The following CACNG2 variants were observed in gnomAD, a reference collection of about 807,000 sequenced individuals.
The protein encoded by CACNG2 is calcium voltage-gated channel auxiliary subunit gamma 2, also known as voltage-dependent calcium channel gamma-2 subunit.
In CACNG2, 3 loss-of-function variants were observed where a neutral mutation model predicts 25.9. That is an observed-to-expected ratio of 0.12 (90% CI 0.05 to 0.30). The LOEUF is 0.30. Among genes scored for constraint, CACNG2 ranks in the 10% least tolerant of loss-of-function variants. The pLI is 1.00. For missense variants in CACNG2, 341 were observed against 432.5 expected (o/e 0.79, Z 1.88); for synonymous variants, 167 against 173.3 (o/e 0.96, Z 0.29).
chr22:36,569,101 C>A (rs1935180839), intron 2 of CACNG2, among the ~76,000 whole-genome samples: 1 of 152,174 alleles, frequency 6.6e-6, no homozygotes, highest in Admixed American at 6.5e-5. Context: ...TAACTCTCAT[C>A]TTTATAAGCA....
At chr22:36,657,744 C>T (rs1189543292) in intron 1 of CACNG2, among the ~76,000 whole-genome samples, 1 of 151,748 alleles carries the variant, frequency 6.6e-6, no homozygotes. Flanking sequence ...GCGTAATGAG[C>T]AAAAGTGTCG....
At chr22:36,672,134 C>G (rs953346550) in intron 1 of CACNG2, among the ~76,000 whole-genome samples, 1 of 151,872 alleles carries the variant, frequency 6.6e-6, no homozygotes, top group Admixed American at 6.6e-5. Context: ...CAGGAAGGGG[C>G]CCTGGTGGGG....
At chr22:36,602,576 G>GA (rs373763670) in intron 1 of CACNG2, among the ~76,000 whole-genome samples, 139 of 152,192 alleles carry the variant, frequency 9.1e-4, no homozygotes, top group African/African-American at 3.2e-3. Context: ...AGTAGAGACG[G>GA]GGTTTCGCCA....
chr22:36,583,097 A>G (rs1935446377), intron 2 of CACNG2, among the ~76,000 whole-genome samples: 1 of 152,118 alleles, frequency 6.6e-6, no homozygotes, highest in Non-Finnish European at 1.5e-5. Flanking sequence ...TCCGGAAGGC[A>G]TGGATTGTGC....
At chr22:36,625,837 T>C (rs1217276375) in intron 1 of CACNG2, among the ~76,000 whole-genome samples, 1 of 152,182 alleles carries the variant, frequency 6.6e-6, no homozygotes, top group African/African-American at 2.4e-5. Flanking sequence ...AAACAGGCAA[T>C]GCTGCTTGGG....
chr22:36,666,752 AC>A (rs34328496), intron 1 of CACNG2, among the ~76,000 whole-genome samples: 36,335 of 151,686 alleles, frequency 0.24, 4,427 homozygotes, highest in Middle Eastern at 0.32. Context: ...GAGGCTCTTC[AC>A]TGCCTTCAGA....
At chr22:36,683,867 CT>C (rs1937160959) in intron 1 of CACNG2, among the ~76,000 whole-genome samples, 1 of 152,174 alleles carries the variant, frequency 6.6e-6, no homozygotes, top group Non-Finnish European at 1.5e-5. Flanking sequence ...CCCGCGACCC[CT>C]GGCTGTCGTC....
chr22:36,622,709 A>C (rs1270880676), intron 1 of CACNG2, among the ~76,000 whole-genome samples: 1 of 152,164 alleles, frequency 6.6e-6, no homozygotes, highest in Non-Finnish European at 1.5e-5. Flanking sequence ...CTGTAATCCC[A>C]GCACTTTGGA....
At chr22:36,608,216 C>T (rs149447381) in intron 1 of CACNG2, among the ~76,000 whole-genome samples, 12 of 152,246 alleles carry the variant, frequency 7.9e-5, no homozygotes, top group African/African-American at 2.9e-4. Flanking sequence ...TTCTGAGGTT[C>T]CTTCTATCCC....
intron 1 of CACNG2, among the ~76,000 whole-genome samples, chr22:36,668,851 A>G (rs1292662349): frequency 1.3e-5 from 2 of 152,112 alleles, no homozygotes; most frequent in African/African-American, 4.8e-5. Context: ...AGGAGCACCC[A>G]TGTCAGAGGG....
chr22:36,643,058 CTCTT>C (rs963607587), intron 1 of CACNG2, among the ~76,000 whole-genome samples: 4 of 137,152 alleles, frequency 2.9e-5, no homozygotes, highest in Admixed American at 7.5e-5. Flanking sequence ...CCTTCTTTCT[CTCTT>C]TATCTTCTTT....
chr22:36,703,440 GT>G lies in CACNG2; in HGVS notation c.-865del, dbSNP rs1415190359. On this transcript the variant is annotated 5_prime_UTR_variant, in exon 1 of 4. Coordinates refer to ENST00000300105, the MANE Select transcript of CACNG2 (RefSeq NM_006078.5). ...AGCTCCTGGAAACGAGGGAGCCGGCGTCTTGCTGCAGGGTGGGCCGCGCGCC... is the reference window on the plus strand; with the variant it reads ...AGCTCCTGGAAACGAGGGAGCCGGCGCTTGCTGCAGGGTGGGCCGCGCGCC... The G allele has an allele frequency of 6.5e-6, 1 of 152,888 alleles. No homozygotes were observed. The highest frequency in any genetic ancestry group is 1.9e-4 in the East Asian group (1 of 5,156). 9.5% of individuals were successfully genotyped at this position (152,888 alleles called of 1,614,324 possible).
chr22:36,653,904 A>G (rs1256142726), intron 1 of CACNG2, among the ~76,000 whole-genome samples: 1 of 143,696 alleles, frequency 7.0e-6, no homozygotes, highest in Non-Finnish European at 1.5e-5. Flanking sequence ...TCTTGAAAAC[A>G]TGACAGACGT....
At chr22:36,566,124 G>A (rs1935119647) in intron 3 of CACNG2, among the ~76,000 whole-genome samples, 1 of 152,232 alleles carries the variant, frequency 6.6e-6, no homozygotes, top group African/African-American at 2.4e-5. Flanking sequence ...CTCAAGTGGT[G>A]GGAAGAAGAT....
At position 36,603,838 on chromosome 22, in the gene CACNG2, G is replaced by A. The variant is rs1474107858; in HGVS notation, c.212-16290C>T. Among the ~76,000 whole-genome samples the A allele has an allele frequency of 2.0e-5, 3 of 152,178 alleles. No individual in the cohort carries two copies. In the East Asian group the frequency reaches 5.8e-4, roughly 29 times the overall value. On this transcript the variant is annotated intron_variant, in intron 1 of 3. Transcript: ENST00000300105. Reference sequence around the variant, plus strand: ...CACCTGGTTCTCAAGAGCTCTGATGGAGATGTATAAGGAGATGAATGTTGT... The same window carrying A: ...CACCTGGTTCTCAAGAGCTCTGATGAAGATGTATAAGGAGATGAATGTTGT...
chr22:36,699,990 G>A (rs754330433), intron 1 of CACNG2, among the ~76,000 whole-genome samples: 102 of 152,360 alleles, frequency 6.7e-4, no homozygotes, highest in Admixed American at 2.1e-3. Context: ...GGTCAAAAGC[G>A]GGCCCGGAGC....
At chr22:36,612,873 C>G (rs1935965585) in intron 1 of CACNG2, among the ~76,000 whole-genome samples, 1 of 152,310 alleles carries the variant, frequency 6.6e-6, no homozygotes, top group East Asian at 1.9e-4. Context: ...CAGTGGTTTA[C>G]CGGCTGCAGG....
In CACNG2 at chr22:36,560,936, T is replaced by C. The variant is rs1935017286; in HGVS notation, c.*3415A>G. 3 of 149,260 alleles carry C rather than the reference T, an allele frequency of 2.0e-5. No individual in the cohort carries two copies. The South Asian group carries it at 6.4e-4, about 32-fold the overall frequency. 9.2% of individuals were successfully genotyped at this position (149,260 alleles called of 1,614,324 possible). On this transcript the variant is annotated 3_prime_UTR_variant, in exon 4 of 4. Transcript: ENST00000300105. ...TTTTCAGTTTTCTGCTTTTTAAAAT[T>C]TTTTTTCTGTTAACAGTCTGAAAAA...
At chr22:36,636,701 G>T (rs1015541496) in intron 1 of CACNG2, among the ~76,000 whole-genome samples, 9 of 152,084 alleles carry the variant, frequency 5.9e-5, no homozygotes, top group African/African-American at 2.2e-4. Context: ...AGAAATCTGA[G>T]TGTCAGGAAA....
Sources: allele counts gnomAD v4.1 joint callset (sites outside exome capture counted in the v4.1 genomes callset), GRCh38; gene constraint gnomAD v4.1.1; transcripts MANE v1.5; gene names NCBI Gene and HGNC (gene_info 2026-07-23, HGNC 2026-07-21).